The following FHIT variants were observed in gnomAD, a reference collection of about 807,000 sequenced individuals.
FHIT encodes fragile histidine triad diadenosine triphosphatase.
Under a neutral mutation model 17.9 loss-of-function variants are expected in FHIT, and 19 were observed. The ratio of observed to expected loss-of-function variants is 1.06; its 90% CI spans 0.74 to 1.56. The LOEUF is 1.56. Among genes scored for constraint, FHIT ranks in the 40% most tolerant of loss-of-function variants. The pLI, the probability that FHIT is intolerant of heterozygous loss-of-function variation, is 0.00. For synonymous variants in FHIT, 81 were observed against 69.7 expected (o/e 1.16, Z -0.81); for missense variants, 248 against 189.2 (o/e 1.31, Z -1.82).
intron 5 of FHIT, among the ~76,000 whole-genome samples, chr3:60,251,319 G>T (rs1054437650): frequency 6.6e-6 from 1 of 152,162 alleles, no homozygotes; most frequent in Non-Finnish European, 1.5e-5. Flanking sequence ...GGAGGGAGTA[G>T]TACATAGGGA....
intron 8 of FHIT, among the ~76,000 whole-genome samples, chr3:59,872,850 G>T (rs1575620838): frequency 6.6e-6 from 1 of 152,176 alleles, no homozygotes; most frequent in Non-Finnish European, 1.5e-5. Context: ...CTAGCTCCTT[G>T]TTGGGGGCTC....
intron 5 of FHIT, among the ~76,000 whole-genome samples, chr3:60,112,883 C>T (rs540372189): frequency 6.6e-6 from 1 of 152,278 alleles, no homozygotes; most frequent in East Asian, 1.9e-4. Context: ...GAAGGCCTTC[C>T]TTTACTCCTT....
chr3:61,210,548 T>G (rs1386032682), intron 1 of FHIT, among the ~76,000 whole-genome samples: 1 of 152,188 alleles, frequency 6.6e-6, no homozygotes, highest in East Asian at 1.9e-4. Context: ...TGCAGTTTGA[T>G]CTCAGACTGC....
chr3:60,347,689 G>GGGGTTGTTTTTTTTTT (rs1553750581), intron 5 of FHIT, among the ~76,000 whole-genome samples: 2 of 85,304 alleles, frequency 2.3e-5, no homozygotes, highest in Non-Finnish European at 4.8e-5. Context: ...GGGGGGGGGG[G>GGGGTTGTTTTTTTTTT]TTTGTTTTTT....
At chr3:60,885,679 CT>C (rs1294915324) in intron 3 of FHIT, among the ~76,000 whole-genome samples, 1 of 152,134 alleles carries the variant, frequency 6.6e-6, no homozygotes, top group Non-Finnish European at 1.5e-5. Flanking sequence ...TCACTTTGGC[CT>C]TTTTTCCTCT....
chr3:61,229,210 A>G (rs993458868), intron 1 of FHIT, among the ~76,000 whole-genome samples: 31 of 152,232 alleles, frequency 2.0e-4, no homozygotes, highest in African/African-American at 7.0e-4. Flanking sequence ...GGTGAGCTCT[A>G]AATATAATGA....
chr3:59,793,839 T>C (rs1699668663), intron 8 of FHIT, among the ~76,000 whole-genome samples: 1 of 152,142 alleles, frequency 6.6e-6, no homozygotes. Context: ...GATCTGGCAC[T>C]TGAGAGCTGG....
intron 3 of FHIT, among the ~76,000 whole-genome samples, chr3:60,909,053 G>A (rs1706580814): frequency 6.6e-6 from 1 of 152,050 alleles, no homozygotes; most frequent in South Asian, 2.1e-4. Flanking sequence ...TCCAGAAATT[G>A]CAGCAACTAT....
intron 3 of FHIT, among the ~76,000 whole-genome samples, chr3:61,024,818 T>C (rs1559919153): frequency 6.6e-6 from 1 of 152,180 alleles, no homozygotes; most frequent in Non-Finnish European, 1.5e-5. Context: ...ATTGCTTCTG[T>C]TAGTAACCAC....
chr3:60,640,551 C>G (rs1488913328), intron 4 of FHIT, among the ~76,000 whole-genome samples: 1 of 152,006 alleles, frequency 6.6e-6, no homozygotes, highest in African/African-American at 2.4e-5. Context: ...GAGCTAAACA[C>G]TTAAAATGTG....
intron 8 of FHIT, among the ~76,000 whole-genome samples, chr3:59,868,111 G>T (rs1702743999): frequency 1.4e-5 from 2 of 147,488 alleles, no homozygotes; most frequent in African/African-American, 5.0e-5. Flanking sequence ...CATGGCCCTA[G>T]CGGAAGAGCT....
At chr3:60,937,143 A>C (rs1708225807) in intron 3 of FHIT, among the ~76,000 whole-genome samples, 1 of 152,202 alleles carries the variant, frequency 6.6e-6, no homozygotes, top group African/African-American at 2.4e-5. Flanking sequence ...GTCTTCAATG[A>C]AGATTTTCTC....
At chr3:60,164,448 C>CA (rs1160375002) in intron 5 of FHIT, among the ~76,000 whole-genome samples, 1 of 152,216 alleles carries the variant, frequency 6.6e-6, no homozygotes, top group Non-Finnish European at 1.5e-5. Flanking sequence ...TGCCCAGCTG[C>CA]ACCATCCCAC....
At chr3:60,098,717 TCTTA>T (rs1382591145) in intron 5 of FHIT, among the ~76,000 whole-genome samples, 19 of 152,228 alleles carry the variant, frequency 1.2e-4, no homozygotes, top group Admixed American at 7.9e-4. Context: ...GCTCTTTAGT[TCTTA>T]CTAATATTTT....
chr3:60,475,169 G>A (rs72880370), intron 5 of FHIT, among the ~76,000 whole-genome samples: 5,837 of 150,056 alleles, frequency 0.039, 321 homozygotes, highest in African/African-American at 0.11. Context: ...GCCAGGCACT[G>A]GGCCAGAGAC....
At chr3:60,808,125 G>A (rs1363846651) in intron 4 of FHIT, among the ~76,000 whole-genome samples, 1 of 152,204 alleles carries the variant, frequency 6.6e-6, no homozygotes, top group South Asian at 2.1e-4. Context: ...GTAATTTTCT[G>A]AGCCAGAGTT....
chr3:60,838,403 C>T (rs1702607965), intron 3 of FHIT, among the ~76,000 whole-genome samples: 1 of 152,140 alleles, frequency 6.6e-6, no homozygotes, highest in African/African-American at 2.4e-5. Context: ...ACCCGGGAGG[C>T]AGAGCTTGCA....
chr3:60,466,534 C>G (rs116255371), intron 5 of FHIT, among the ~76,000 whole-genome samples: 1 of 151,990 alleles, frequency 6.6e-6, no homozygotes. Context: ...TTTATTGTGT[C>G]AAGGTATGTT....
At chr3:60,245,766 G>T (rs1705363050) in intron 5 of FHIT, among the ~76,000 whole-genome samples, 1 of 151,872 alleles carries the variant, frequency 6.6e-6, no homozygotes, top group East Asian at 1.9e-4. Context: ...TTAATATCAG[G>T]AAAATGTTTA....
Sources: allele counts gnomAD v4.1 joint callset (sites outside exome capture counted in the v4.1 genomes callset), GRCh38; gene constraint gnomAD v4.1.1; transcripts MANE v1.5; gene names NCBI Gene and HGNC (gene_info 2026-07-23, HGNC 2026-07-21).